Variants in RAPGEF6 observed in about 807,000 individuals in gnomAD.
RAPGEF6 encodes the protein Rap guanine nucleotide exchange factor 6, also known as PDZ domain containing guanine nucleotide exchange factor (GEF) 2.
Under a neutral mutation model 171.4 loss-of-function variants are expected in RAPGEF6, and 56 were observed. That is an observed-to-expected ratio of 0.33 (90% CI 0.26 to 0.41). The LOEUF (loss-of-function observed/expected upper bound fraction) is 0.41, where lower values mean the gene tolerates loss of function less well. Among genes scored for constraint, RAPGEF6 ranks in the 10% least tolerant of loss-of-function variants. The pLI is 1.00. For synonymous variants in RAPGEF6, 692 were observed against 650.1 expected, an observed-to-expected ratio of 1.06 and a Z score of -0.98; for missense variants, 1,674 against 1,921.4, an observed-to-expected ratio of 0.87 and a Z score of 2.41.
intron 14 of RAPGEF6, 86 bp from the exon 15 acceptor site, chr5:131,489,740 AATG>A: frequency 1.5e-6 from 1 of 664,932 alleles, no homozygotes; most frequent in Non-Finnish European, 2.4e-6. Flanking sequence ...GAATAAATAA[AATG>A]AAACTTGAAT....
At chr5:131,631,789 AAGGT>A (rs1766322473) in intron 1 of RAPGEF6, among the ~76,000 whole-genome samples, 1 of 152,094 alleles carries the variant, frequency 6.6e-6, no homozygotes, top group African/African-American at 2.4e-5. Flanking sequence ...TAAAAACAAA[AAGGT>A]AGGCCAGGCG....
At chr5:131,553,306 GCTCAACT>G (rs776284870) in intron 5 of RAPGEF6, among the ~76,000 whole-genome samples, 41 of 152,286 alleles carry the variant, frequency 2.7e-4, no homozygotes, top group Non-Finnish European at 5.6e-4. Flanking sequence ...TCCAAACCTA[GCTCAACT>G]CCAGTAGAAA....
intron 22 of RAPGEF6, 132 bp from the exon 23 acceptor site, chr5:131,442,669 C>T: frequency 2.2e-6 from 3 of 1,358,206 alleles, no homozygotes; most frequent in Non-Finnish European, 2.9e-6. Flanking sequence ...TTTTTCTTAG[C>T]AGGAATTTCA....
intron 1 of RAPGEF6, among the ~76,000 whole-genome samples, chr5:131,619,250 C>T (rs7724769): frequency 0.77 from 116,230 of 151,908 alleles, 44,734 homozygotes; most frequent in Middle Eastern, 0.83. Flanking sequence ...CACTCTTAAG[C>T]GGCAGCTGAA....
At chr5:131,601,845 AAC>A (rs1462558595) in intron 3 of RAPGEF6, among the ~76,000 whole-genome samples, 2 of 151,964 alleles carry the variant, frequency 1.3e-5, no homozygotes, top group Non-Finnish European at 2.9e-5. Context: ...CATCCTGGCT[AAC>A]ACAGTGAAAC....
intron 15 of RAPGEF6, among the ~76,000 whole-genome samples, chr5:131,481,417 T>C (rs1459291690): frequency 6.6e-6 from 1 of 151,400 alleles, no homozygotes; most frequent in Admixed American, 6.6e-5. Context: ...TTTGTAGAGA[T>C]GGGGTTTCGA....
intron 5 of RAPGEF6, among the ~76,000 whole-genome samples, chr5:131,549,296 A>G (rs965445443): frequency 6.6e-6 from 1 of 152,062 alleles, no homozygotes; most frequent in African/African-American, 2.4e-5. Context: ...TTCCCCCATA[A>G]CTACTCTTTC....
At chr5:131,484,095 CAA>C (rs757936744) in intron 15 of RAPGEF6, among the ~76,000 whole-genome samples, 16 of 42,064 alleles carry the variant, frequency 3.8e-4, no homozygotes, top group Middle Eastern at 0.015. Flanking sequence ...GACTCCATCT[CAA>C]AAAAAAAAAA....
intron 17 of RAPGEF6, among the ~76,000 whole-genome samples, chr5:131,471,253 G>T (rs1190835083): frequency 6.6e-6 from 1 of 152,204 alleles, no homozygotes; most frequent in East Asian, 1.9e-4. Flanking sequence ...GCCATGTAGA[G>T]AGTGTGATGT....
intron 4 of RAPGEF6, among the ~76,000 whole-genome samples, chr5:131,588,454 C>CGGTGGCTCACACTGTAG (rs528914457): frequency 2.0e-5 from 3 of 152,076 alleles, no homozygotes; most frequent in East Asian, 1.9e-4. Context: ...GGGCCAGGTG[C>CGGTGGCTCACACTGTAG]GGTGGCTCAC....
At chr5:131,617,583 G>C (rs1343425772) in intron 1 of RAPGEF6, among the ~76,000 whole-genome samples, 1 of 152,092 alleles carries the variant, frequency 6.6e-6, no homozygotes, top group African/African-American at 2.4e-5. Flanking sequence ...CTCTTGAGTA[G>C]CTGGGATTAC....
intron 13 of RAPGEF6, among the ~76,000 whole-genome samples, chr5:131,495,241 G>A (rs1309820990): frequency 6.6e-6 from 1 of 151,494 alleles, no homozygotes; most frequent in Non-Finnish European, 1.5e-5. Flanking sequence ...GTCGCAGTGA[G>A]CCAAGATTGC....
intron 16 of RAPGEF6, among the ~76,000 whole-genome samples, chr5:131,474,104 G>C (rs908118087): frequency 6.6e-6 from 1 of 152,130 alleles, no homozygotes; most frequent in Non-Finnish European, 1.5e-5. Context: ...TAATATAGGC[G>C]AATGTTGTGG....
chr5:131,577,713 T>G (rs2149987338), intron 4 of RAPGEF6, among the ~76,000 whole-genome samples: 1 of 152,310 alleles, frequency 6.6e-6, no homozygotes, highest in South Asian at 2.1e-4. Flanking sequence ...CCCTCCCCAT[T>G]GGGTTCACCA....
At chr5:131,464,355 AAC>A (rs1754170714) in intron 17 of RAPGEF6, 74 bp from the exon 18 acceptor site, 7 of 1,130,974 alleles carry the variant, frequency 6.2e-6, no homozygotes, top group South Asian at 1.3e-5. Flanking sequence ...AGCAACGTGA[AAC>A]ACAGTGATCC....
At chr5:131,471,480 A>G (rs1754732284) in intron 17 of RAPGEF6, among the ~76,000 whole-genome samples, 1 of 152,032 alleles carries the variant, frequency 6.6e-6, no homozygotes, top group Admixed American at 6.5e-5. Flanking sequence ...CCCTTTCTAC[A>G]CTAGCTGCTA....
At chr5:131,619,174 T>G (rs1765457054) in intron 1 of RAPGEF6, among the ~76,000 whole-genome samples, 1 of 152,076 alleles carries the variant, frequency 6.6e-6, no homozygotes, top group African/African-American at 2.4e-5. Flanking sequence ...GTATGGTGGC[T>G]CACGCATTTA....
intron 1 of RAPGEF6, among the ~76,000 whole-genome samples, chr5:131,613,631 A>G (rs959198397): frequency 1.3e-5 from 2 of 152,174 alleles, no homozygotes; most frequent in African/African-American, 2.4e-5. Context: ...GACTGTTCCA[A>G]TAAAACTTTA....
chr5:131,436,159 A>T (rs1282781874), intron 24 of RAPGEF6: 10 of 1,537,886 alleles, frequency 6.5e-6, no homozygotes, highest in Non-Finnish European at 8.7e-6. Flanking sequence ...CCTTGAAAGC[A>T]TTCTTTCCCT....
Sources: allele counts gnomAD v4.1 joint callset (sites outside exome capture counted in the v4.1 genomes callset), GRCh38; gene constraint gnomAD v4.1.1; transcripts MANE v1.5; gene names NCBI Gene and HGNC (gene_info 2026-07-23, HGNC 2026-07-21).